PCDHA1: variants seen among roughly 807,000 people sequenced by gnomAD.
PCDHA1 encodes the protein protocadherin alpha-1.
A neutral mutation model predicts 61.3 loss-of-function variants in PCDHA1; 42 were observed. The ratio of observed to expected loss-of-function variants is 0.69; its 90% confidence interval spans 0.54 to 0.89. The LOEUF (loss-of-function observed/expected upper bound fraction) is 0.89, where lower values mean the gene tolerates loss of function less well. Ranked by LOEUF, PCDHA1 falls within the 40% of genes least tolerant of loss-of-function variation. PCDHA1 has a pLI of 0.00. For synonymous variants in PCDHA1, 610 were observed against 553.8 expected, an observed-to-expected ratio of 1.10 and a Z score of -1.43; for missense variants, 1,256 against 1,235.3, an observed-to-expected ratio of 1.02 and a Z score of -0.25.
chr5:140,807,291 T>G (rs1470270680), intron 1 of PCDHA1: 1 of 1,614,080 alleles, frequency 6.2e-7, no homozygotes, highest in Admixed American at 1.7e-5. Context: ...CACTACTCGG[T>G]CTCCGAGGAG....
chr5:140,875,578 T>C lies in PCDHA1; in HGVS notation c.2394+86894T>C, dbSNP rs534589966. 6 of 1,614,098 alleles carry C rather than the reference T, an allele frequency of 3.7e-6. No homozygotes were observed. Among genetic ancestry groups the C allele is most frequent in the East Asian group, 4.5e-5 (2 of 44,882 alleles). On this transcript the variant is annotated intron_variant, in intron 1 of 3. Coordinates refer to ENST00000504120, the MANE Select transcript of PCDHA1 (RefSeq NM_018900.4). ...GAGCGGCCAGCTCCACTACTCCGTC[T>C]ACGAGGAGGCCAAACACGGCACCTT... is the stretch of plus-strand genomic sequence containing the variant.
intron 1 of PCDHA1, among the ~76,000 whole-genome samples, chr5:140,790,296 G>A (rs1761578867): frequency 6.6e-6 from 1 of 152,130 alleles, no homozygotes; most frequent in South Asian, 2.1e-4. Context: ...AGGGCATAAT[G>A]TTAAATTTTA....
chr5:140,873,739 C>A (rs571863406), intron 1 of PCDHA1, among the ~76,000 whole-genome samples: 1 of 152,294 alleles, frequency 6.6e-6, no homozygotes, highest in African/African-American at 2.4e-5. Flanking sequence ...CAGCTCACTG[C>A]AATCTCCACC....
chr5:140,980,949 A>G (rs1187381167), intron 2 of PCDHA1, among the ~76,000 whole-genome samples: 1 of 152,182 alleles, frequency 6.6e-6, no homozygotes, highest in East Asian at 1.9e-4. Context: ...TGGCTCCAGG[A>G]TAGTTACACC....
rs782133089 is a variant in PCDHA1, at chr5:140,924,894, C to CAAAAA, written c.2395-54048_2395-54044dup. Among the ~76,000 whole-genome samples, 201 of 71,494 alleles carry CAAAAA rather than the reference C, an allele frequency of 2.8e-3. 5 individuals are homozygous for CAAAAA. In the East Asian group the frequency reaches 0.084, roughly 30 times the overall value. The allele number at this position is 71,494 out of a possible 152,430, so 46.9% of individuals were successfully genotyped here. On this transcript the variant is annotated intron_variant, in intron 1 of 3. Coordinates refer to ENST00000504120, the MANE Select transcript of PCDHA1 (RefSeq NM_018900.4). ...TGGGTGACAGAGCAAGAACCTGTCT[C>CAAAAA]AAAAAAAAAAATAAAATAAAATAAA...
chr5:140,849,578 G>A (rs2150441176), intron 1 of PCDHA1: 2 of 1,598,680 alleles, frequency 1.3e-6, no homozygotes, highest in East Asian at 2.2e-5. Flanking sequence ...CTGTAAAAGA[G>A]GACGCACAAC....
At chr5:140,818,085 A>G (rs1296025308) in intron 1 of PCDHA1, among the ~76,000 whole-genome samples, 1 of 152,136 alleles carries the variant, frequency 6.6e-6, no homozygotes, top group Non-Finnish European at 1.5e-5. Flanking sequence ...AAAGCTTCTT[A>G]TATCTGTGGG....
intron 1 of PCDHA1, among the ~76,000 whole-genome samples, chr5:140,945,071 C>A (rs246061): frequency 0.56 from 85,726 of 151,850 alleles, 24,797 homozygotes; most frequent in African/African-American, 0.69. Context: ...CAGACTCCAC[C>A]AAAACACTCT....
At chr5:140,960,346 T>A (rs782732587) in intron 1 of PCDHA1, among the ~76,000 whole-genome samples, 21 of 152,174 alleles carry the variant, frequency 1.4e-4, no homozygotes, top group Admixed American at 2.6e-4. Context: ...AGGTGAGATA[T>A]GTACTGAAAT....
chr5:140,809,721 A>G, intron 1 of PCDHA1: 1 of 851,958 alleles, frequency 1.2e-6, no homozygotes, highest in East Asian at 2.6e-5. Flanking sequence ...TTGGAATTAT[A>G]GGACATCAGA....
intron 1 of PCDHA1, chr5:140,853,446 T>C: frequency 1.0e-6 from 1 of 980,482 alleles, no homozygotes; most frequent in Non-Finnish European, 1.2e-6. Context: ...TTTTGCCTAA[T>C]AGGTCTCCTT....
chr5:140,842,923 G>A (rs1454806269), intron 1 of PCDHA1: 1 of 1,594,526 alleles, frequency 6.3e-7, no homozygotes, highest in Non-Finnish European at 8.6e-7. Flanking sequence ...TGCAGTTCCA[G>A]GTGAGCGCGC....
chr5:140,822,455 T>C, intron 1 of PCDHA1: 1 of 1,613,778 alleles, frequency 6.2e-7, no homozygotes, highest in Non-Finnish European at 8.5e-7. Flanking sequence ...ACAGTTCAGT[T>C]GTTGATCAAT....
intron 1 of PCDHA1, chr5:140,857,428 G>C (rs782142394): frequency 1.9e-6 from 3 of 1,598,342 alleles, no homozygotes; most frequent in East Asian, 2.2e-5. Context: ...CCGAGTACAC[G>C]GTGTTCGTGA....
chr5:140,877,634 T>C, intron 1 of PCDHA1: 1 of 1,613,738 alleles, frequency 6.2e-7, no homozygotes, highest in Non-Finnish European at 8.5e-7. Context: ...TACACTGCGC[T>C]GCGTTGCTCA....
chr5:140,823,013 A>C, intron 1 of PCDHA1: 1 of 1,614,200 alleles, frequency 6.2e-7, no homozygotes, highest in South Asian at 1.1e-5. Context: ...AGCGCCCTGG[A>C]CCGCGAGAGC....
chr5:140,875,767 A>G, intron 1 of PCDHA1: 1 of 1,614,144 alleles, frequency 6.2e-7, no homozygotes, highest in Non-Finnish European at 8.5e-7. Context: ...GTGCGGGCGG[A>G]GCGCGGAGTG....
chr5:141,006,618 A>G (rs74748321), intron 3 of PCDHA1, among the ~76,000 whole-genome samples: 53 of 152,290 alleles, frequency 3.5e-4, no homozygotes, highest in African/African-American at 1.3e-3. Flanking sequence ...GAATAAGGAG[A>G]CTATTGCTGC....
intron 1 of PCDHA1, chr5:140,859,968 T>A (rs1262644180): frequency 6.6e-6 from 1 of 151,956 alleles, no homozygotes; most frequent in Non-Finnish European, 1.5e-5. Flanking sequence ...AAGTCTCAGG[T>A]ATACAAGTGC....
Sources: allele counts gnomAD v4.1 joint callset (sites outside exome capture counted in the v4.1 genomes callset), GRCh38; gene constraint gnomAD v4.1.1; transcripts MANE v1.5; gene names NCBI Gene and HGNC (gene_info 2026-07-23, HGNC 2026-07-21).